NAV2: variants seen among roughly 807,000 people sequenced by gnomAD.
The protein encoded by NAV2 is helicase, APC down-regulated 1.
In NAV2, 54 loss-of-function variants were observed where a neutral mutation model predicts 223.2. The ratio of observed to expected loss-of-function variants is 0.24; its 90% CI spans 0.19 to 0.30. The LOEUF is 0.30. Ranked by LOEUF, NAV2 falls within the 10% of genes least tolerant of loss-of-function variation. NAV2 has a pLI of 1.00. For synonymous variants in NAV2, 1,279 were observed against 1,239.3 expected (o/e 1.03, Z -0.67); for missense variants, 2,806 against 3,147.5 (o/e 0.89, Z 2.60).
At chr11:19,929,303 CA>C (rs2045097367) in intron 6 of NAV2, among the ~76,000 whole-genome samples, 1 of 152,088 alleles carries the variant, frequency 6.6e-6, no homozygotes, top group Non-Finnish European at 1.5e-5. Context: ...CCCAAACAGC[CA>C]CTCAGCCAAG....
intron 10 of NAV2, among the ~76,000 whole-genome samples, chr11:19,964,429 C>A (rs955722634): frequency 1.1e-4 from 17 of 151,868 alleles, no homozygotes; most frequent in Admixed American, 1.1e-3. Context: ...GACTAGCTAC[C>A]GTTTATTGAA....
At chr11:19,551,521 C>T (rs1466223873) in intron 1 of NAV2, among the ~76,000 whole-genome samples, 1 of 152,208 alleles carries the variant, frequency 6.6e-6, no homozygotes, top group African/African-American at 2.4e-5. Context: ...TCCCTCCTGG[C>T]CTCACAGCCC....
intron 1 of NAV2, among the ~76,000 whole-genome samples, chr11:19,428,676 A>G (rs1297490011): frequency 1.3e-5 from 2 of 152,140 alleles, no homozygotes; most frequent in Non-Finnish European, 2.9e-5. Context: ...CTCTTTGGGG[A>G]AGTACCTTAG....
intron 1 of NAV2, among the ~76,000 whole-genome samples, chr11:19,655,664 T>C (rs937537555): frequency 6.8e-5 from 10 of 147,504 alleles, no homozygotes; most frequent in African/African-American, 1.0e-4. Flanking sequence ...CACTGCATTG[T>C]TCTCACTCAT....
chr11:19,483,958 G>A (rs1055786574), intron 1 of NAV2, among the ~76,000 whole-genome samples: 1 of 152,112 alleles, frequency 6.6e-6, no homozygotes, highest in African/African-American at 2.4e-5. Context: ...AACTCAACGG[G>A]CCTTATCCAT....
chr11:19,404,479 T>C (rs1439528956), intron 1 of NAV2, among the ~76,000 whole-genome samples: 2 of 152,218 alleles, frequency 1.3e-5, no homozygotes, highest in African/African-American at 4.8e-5. Flanking sequence ...TCAGAATTCA[T>C]TGGCCTATGA....
At chr11:19,357,999 G>A (rs903595920) in intron 1 of NAV2, among the ~76,000 whole-genome samples, 1 of 152,130 alleles carries the variant, frequency 6.6e-6, no homozygotes, top group Non-Finnish European at 1.5e-5. Flanking sequence ...ACCTAGAGGT[G>A]GGTTACAATT....
At chr11:19,864,084 G>A (rs1391833144) in intron 3 of NAV2, among the ~76,000 whole-genome samples, 1 of 152,188 alleles carries the variant, frequency 6.6e-6, no homozygotes, top group African/African-American at 2.4e-5. Flanking sequence ...GGGGTCTAAA[G>A]CTCCTACTGC....
intron 1 of NAV2, among the ~76,000 whole-genome samples, chr11:19,485,338 T>A (rs774452496): frequency 6.6e-6 from 1 of 152,120 alleles, no homozygotes; most frequent in East Asian, 1.9e-4. Context: ...ACTTGAGATA[T>A]CCAACTGGGT....
rs1293503690 is a variant in NAV2, at chr11:20,114,665, C to G, written c.7034C>G (p.Pro2345Arg). 21 of 1,614,148 alleles carry G rather than the reference C, an allele frequency of 1.3e-5. No homozygotes were observed. Among genetic ancestry groups the G allele is most frequent in the Non-Finnish European group, 1.7e-5 (20 of 1,180,032 alleles). ...GACACATATCCATGGGCAGCCAGCC[C>G]ACAACAGCACGAGTGGCCTCCCCTG... ...VMDTYPWAAS[P>R]QQHEWPPLLQ... is the part of the protein sequence containing the mutation. Residue 2345 changes from proline (P) to arginine (R), a missense_variant, in exon 37 of 38, where the codon CCA becomes CGA. Physicochemically the swap from Pro to Arg is moderately radical, Grantham distance 103 (BLOSUM62 -2). Coordinates refer to ENST00000349880, the MANE Select transcript of NAV2 (RefSeq NM_145117.5).
At chr11:19,909,538 C>A (rs566443553) in intron 6 of NAV2, among the ~76,000 whole-genome samples, 1 of 152,176 alleles carries the variant, frequency 6.6e-6, no homozygotes, top group South Asian at 2.1e-4. Flanking sequence ...ACTTTCCATA[C>A]CCTCAGTGAG....
Position 19,778,001 on chromosome 11 carries a change from G to C in NAV2, c.268-54483G>C, listed in dbSNP as rs899192200. On this transcript the variant is annotated intron_variant, in intron 1 of 37. Coordinates refer to ENST00000349880, the MANE Select transcript of NAV2 (RefSeq NM_145117.5). ...GCCCCGAGTGAGTGAGTATGCACCGGGTCCTCCTCCCGCCTCTCACAATGG... is the reference window on the plus strand; with the variant it reads ...GCCCCGAGTGAGTGAGTATGCACCGCGTCCTCCTCCCGCCTCTCACAATGG... 7 of 455,178 alleles carry C rather than the reference G, an allele frequency of 1.5e-5. No homozygotes were observed. In the Admixed American group the frequency reaches 1.6e-4, roughly 11 times the overall value. The allele number at this position is 455,178 out of a possible 1,614,324, so 28.2% of individuals were successfully genotyped here.
chr11:20,098,842 G>C (rs943753725), intron 31 of NAV2, among the ~76,000 whole-genome samples: 3 of 152,234 alleles, frequency 2.0e-5, no homozygotes, highest in Non-Finnish European at 4.4e-5. Context: ...CTCAAGCACA[G>C]CTGGATCCAG....
chr11:19,810,345 T>TCCCG (rs1565354568), intron 1 of NAV2, among the ~76,000 whole-genome samples: 1 of 151,652 alleles, frequency 6.6e-6, no homozygotes, highest in African/African-American at 2.4e-5. Context: ...TTTAAATTCT[T>TCCCG]CCTGCCCCAG....
In NAV2 at chr11:19,564,722, G is replaced by C. The variant is rs535812613; in HGVS notation, c.75+213695G>C. On this transcript the variant is annotated intron_variant, in intron 1 of 37. Transcript: ENST00000360655. ...GTCCGCCGCCGCTTGAGTGCCCACC[G>C]TGTGCTATTCTGTACCTCCCACCGG... 1.4e-3 allele frequency among the ~76,000 whole-genome samples: 218 copies of C among 152,326 alleles called. 1 individual carries two copies. The highest frequency in any genetic ancestry group is 5.0e-3 in the African/African-American group (209 of 41,574).
intron 22 of NAV2, among the ~76,000 whole-genome samples, chr11:20,077,320 G>A (rs12280567): frequency 1.3e-5 from 2 of 152,098 alleles, no homozygotes; most frequent in Non-Finnish European, 2.9e-5. Flanking sequence ...TTCAGGTAGA[G>A]GGGAAAAGAT....
At chr11:19,788,163 A>G (rs1218732180) in intron 1 of NAV2, among the ~76,000 whole-genome samples, 1 of 152,152 alleles carries the variant, frequency 6.6e-6, no homozygotes, top group Non-Finnish European at 1.5e-5. Flanking sequence ...GGGCCAGATG[A>G]CCATTTGGTA....
At chr11:19,818,762 C>T (rs2059234065) in intron 1 of NAV2, among the ~76,000 whole-genome samples, 1 of 152,218 alleles carries the variant, frequency 6.6e-6, no homozygotes, top group African/African-American at 2.4e-5. Context: ...GAAATTGTCT[C>T]ATGGCAGTGT....
chr11:19,377,591 G>C (rs1848683930), intron 1 of NAV2, among the ~76,000 whole-genome samples: 1 of 152,160 alleles, frequency 6.6e-6, no homozygotes, highest in Non-Finnish European at 1.5e-5. Context: ...ACTGTGCTGA[G>C]CATGACACAT....
Sources: allele counts gnomAD v4.1 joint callset (sites outside exome capture counted in the v4.1 genomes callset), GRCh38; gene constraint gnomAD v4.1.1; transcripts MANE v1.5; gene names NCBI Gene and HGNC (gene_info 2026-07-23, HGNC 2026-07-21).